Variants in GRID1 observed in about 807,000 individuals in gnomAD.
GRID1 encodes glutamate receptor ionotropic, delta-1.
Under a neutral mutation model 98.0 loss-of-function variants are expected in GRID1, and 28 were observed. The observed-to-expected ratio is 0.29, with a 90% CI of 0.21 to 0.39. The LOEUF (loss-of-function observed/expected upper bound fraction) is 0.39. Ranked by LOEUF, GRID1 falls within the 10% of genes least tolerant of loss-of-function variation. GRID1 has a pLI of 1.00. For missense variants in GRID1, 1,111 were observed against 1,340.5 expected (o/e 0.83, Z 2.67); for synonymous variants, 553 against 538.5 (o/e 1.03, Z -0.37).
chr10:86,351,941 A>G (rs1564746389), intron 2 of GRID1, among the ~76,000 whole-genome samples: 1 of 152,216 alleles, frequency 6.6e-6, no homozygotes, highest in Non-Finnish European at 1.5e-5. Context: ...TACAGGAAGG[A>G]ACACTGAGGC....
chr10:86,090,907 C>A (rs1844136579), intron 4 of GRID1, among the ~76,000 whole-genome samples: 1 of 152,168 alleles, frequency 6.6e-6, no homozygotes, highest in African/African-American at 2.4e-5. Flanking sequence ...GGAGAAGTTT[C>A]CGCCTTTACC....
intron 8 of GRID1, among the ~76,000 whole-genome samples, chr10:85,824,912 C>T (rs1450414334): frequency 6.6e-6 from 1 of 152,126 alleles, no homozygotes; most frequent in Non-Finnish European, 1.5e-5. Context: ...GTATGCCACA[C>T]TATATATATA....
intron 3 of GRID1, among the ~76,000 whole-genome samples, chr10:86,162,085 G>A (rs1845331582): frequency 6.6e-6 from 1 of 152,136 alleles, no homozygotes; most frequent in Non-Finnish European, 1.5e-5. Flanking sequence ...GGGTGTTTTT[G>A]CAATGCCATT....
At chr10:85,858,434 G>A (rs1035954279) in intron 6 of GRID1, among the ~76,000 whole-genome samples, 2 of 152,158 alleles carry the variant, frequency 1.3e-5, no homozygotes, top group African/African-American at 4.8e-5. Context: ...TGACAGAACT[G>A]TGCCCTCAGC....
At chr10:86,213,283 C>T (rs967281340) in intron 2 of GRID1, among the ~76,000 whole-genome samples, 1 of 152,148 alleles carries the variant, frequency 6.6e-6, no homozygotes, top group Non-Finnish European at 1.5e-5. Flanking sequence ...GAGAGTACCA[C>T]GCACCTGGCA....
At chr10:85,611,138 T>C (rs962653337) in intron 15 of GRID1, among the ~76,000 whole-genome samples, 2 of 152,190 alleles carry the variant, frequency 1.3e-5, no homozygotes, top group African/African-American at 2.4e-5. Flanking sequence ...TCTCCATTTT[T>C]TTCTCTTTTC....
chr10:86,215,272 C>G (rs964425824), intron 2 of GRID1, among the ~76,000 whole-genome samples: 1 of 152,180 alleles, frequency 6.6e-6, no homozygotes, highest in Non-Finnish European at 1.5e-5. Context: ...GACGGACTGT[C>G]GTCCAGGGCA....
rs1306490628 is a variant in GRID1, at chr10:85,916,307, CGAGACA to C, written c.727-74_727-69del. On this transcript the variant is annotated intron_variant, in intron 4 of 15. Coordinates refer to ENST00000327946, the MANE Select transcript of GRID1 (RefSeq NM_017551.3). The surrounding 1 kb of genome is among the most constrained non-coding windows in gnomAD (Gnocchi z 4.0). Reference sequence around the variant, plus strand: ...AAGCTGGCAGACACAGGATGATTGCCGAGACAGAGTTTTATAAACATTGTTCTTGGA... The same window carrying C: ...AAGCTGGCAGACACAGGATGATTGCCGAGTTTTATAAACATTGTTCTTGGA... 1.8e-6 allele frequency: 2 copies of C among 1,127,988 alleles called. No homozygotes were observed. The highest frequency in any genetic ancestry group is 1.7e-5 in the Admixed American group (1 of 58,284). 69.9% of individuals were successfully genotyped at this position (1,127,988 alleles called of 1,614,324 possible).
At chr10:86,260,555 C>T (rs1216988133) in intron 2 of GRID1, among the ~76,000 whole-genome samples, 2 of 152,198 alleles carry the variant, frequency 1.3e-5, no homozygotes, top group Non-Finnish European at 2.9e-5. Flanking sequence ...ACAGACACAA[C>T]TGGAATGGAC....
At chr10:85,772,612 T>C (rs948614103) in intron 8 of GRID1, among the ~76,000 whole-genome samples, 1 of 151,846 alleles carries the variant, frequency 6.6e-6, no homozygotes, top group Non-Finnish European at 1.5e-5. Flanking sequence ...AAGAAGCAAA[T>C]AGACGCAATA....
chr10:86,219,873 A>G (rs1053853809), intron 2 of GRID1, among the ~76,000 whole-genome samples: 1 of 152,196 alleles, frequency 6.6e-6, no homozygotes, highest in Non-Finnish European at 1.5e-5. Flanking sequence ...CAGCCAGTCC[A>G]CAGATGCTCC....
intron 4 of GRID1, among the ~76,000 whole-genome samples, chr10:85,934,266 C>A (rs542487080): frequency 8.5e-5 from 13 of 152,206 alleles, no homozygotes; most frequent in African/African-American, 3.1e-4. Flanking sequence ...AGAAGTAGGT[C>A]ATTGAAATCC....
intron 4 of GRID1, among the ~76,000 whole-genome samples, chr10:85,921,985 A>C (rs1474927064): frequency 6.6e-6 from 1 of 152,200 alleles, no homozygotes; most frequent in Non-Finnish European, 1.5e-5. Context: ...TGCTTCACAG[A>C]TGGGGAACTG....
chr10:85,741,054 C>A (rs543320947), intron 8 of GRID1, among the ~76,000 whole-genome samples: 1 of 152,216 alleles, frequency 6.6e-6, no homozygotes, highest in South Asian at 2.1e-4. Context: ...GCCCAGCCCA[C>A]ATAACTTTTT....
chr10:86,340,813 G>A (rs1179929528), intron 2 of GRID1, among the ~76,000 whole-genome samples: 1 of 152,188 alleles, frequency 6.6e-6, no homozygotes, highest in Admixed American at 6.5e-5. Context: ...ACTGGAGCGG[G>A]AAGCTGCCTG....
chr10:86,208,345 C>A (rs1846063942), intron 2 of GRID1, among the ~76,000 whole-genome samples: 1 of 152,170 alleles, frequency 6.6e-6, no homozygotes, highest in Non-Finnish European at 1.5e-5. Context: ...CTGGCCCCCT[C>A]CTACCCCAGC....
chr10:85,670,542 G>A (rs560460663), intron 12 of GRID1, among the ~76,000 whole-genome samples: 1 of 152,316 alleles, frequency 6.6e-6, no homozygotes, highest in East Asian at 1.9e-4. Flanking sequence ...AAACAAACAT[G>A]AAGGCACAGT....
At chr10:85,915,759 T>C (rs1298446129) in intron 5 of GRID1, among the ~76,000 whole-genome samples, 2 of 151,888 alleles carry the variant, frequency 1.3e-5, no homozygotes, top group Non-Finnish European at 2.9e-5. Context: ...ACACCCTGCA[T>C]ACACACTCTT....
intron 4 of GRID1, among the ~76,000 whole-genome samples, chr10:85,997,398 C>CA (rs35365659): frequency 0.15 from 20,776 of 136,910 alleles, 1,497 homozygotes; most frequent in East Asian, 0.19. Flanking sequence ...GACTCCATCT[C>CA]AAAAAAAAAA....
Sources: gnomAD v4.1 joint callset for allele counts (sites outside exome capture counted in the v4.1 genomes callset) on GRCh38, gnomAD v4.1.1 for gene constraint, Gnocchi (gnomAD v3.1) non-coding constraint, MANE v1.5 for transcripts, NCBI Gene and HGNC (gene_info 2026-07-23, HGNC 2026-07-21) for gene names.